MACROD2: variants seen among roughly 807,000 people sequenced by gnomAD.
The protein encoded by MACROD2 is mono-ADP ribosylhydrolase 2.
MACROD2 carries 36 observed loss-of-function variants against 70.4 expected under a neutral mutation model. The observed-to-expected ratio is 0.51, with a 90% CI of 0.39 to 0.68. The LOEUF (loss-of-function observed/expected upper bound fraction) is 0.68. Among genes scored for constraint, MACROD2 ranks in the 30% least tolerant of loss-of-function variants. The pLI, the probability that MACROD2 is intolerant of heterozygous loss-of-function variation, is 0.00. For missense variants in MACROD2, 496 were observed against 538.4 expected (o/e 0.92, Z 0.78); for synonymous variants, 172 against 178.8 (o/e 0.96, Z 0.30).
chr20:14,727,313 T>C (rs938952130), intron 5 of MACROD2, among the ~76,000 whole-genome samples: 2 of 152,260 alleles, frequency 1.3e-5, no homozygotes, highest in East Asian at 3.9e-4. Context: ...GATTGATCAC[T>C]TGAGCCCAGG....
Position 15,398,483 on chromosome 20 carries a change from G to A in MACROD2, c.541-32922G>A, listed in dbSNP as rs561413941. 3.3e-5 allele frequency among the ~76,000 whole-genome samples: 5 copies of A among 152,292 alleles called. No homozygotes were observed. The South Asian group carries it at 8.3e-4, about 25-fold the overall frequency. ...GGTGTAAGAGTACAGTTGTAGTGGT[G>A]TTAGTGGTAGTGGTGGTGAAGGAAG... On this transcript the variant is annotated intron_variant, in intron 6 of 17. Coordinates refer to ENST00000684519, the MANE Select transcript of MACROD2 (RefSeq NM_001351661.2).
intron 5 of MACROD2, among the ~76,000 whole-genome samples, chr20:15,157,376 C>T (rs1198809250): frequency 7.1e-6 from 1 of 140,384 alleles, no homozygotes; most frequent in Admixed American, 7.1e-5. Context: ...CCCCCCCCGG[C>T]CACCCAGGCT....
At chr20:14,976,791 C>T (rs532554029) in intron 5 of MACROD2, among the ~76,000 whole-genome samples, 21 of 152,184 alleles carry the variant, frequency 1.4e-4, no homozygotes, top group East Asian at 5.8e-4. Context: ...CCCATTTCCT[C>T]GTGTGTAAAA....
In MACROD2 at chr20:15,874,070, C is replaced by A. The variant is rs1193257995; in HGVS notation, c.727+11244C>A. 3.0e-5 allele frequency among the ~76,000 whole-genome samples: 4 copies of A among 131,926 alleles called. No homozygotes were observed. In the Admixed American group the frequency reaches 3.1e-4, roughly 10 times the overall value. 86.5% of individuals were successfully genotyped at this position (131,926 alleles called of 152,430 possible). ...CTAACGCTATCCCTCCCCCAGCCCC[C>A]CCACCCCCCAACAGGCCCCAGTGTG... On this transcript the variant is annotated intron_variant, in intron 9 of 17. Transcript: ENST00000684519.
chr20:14,122,284 T>C (rs1320142498), intron 3 of MACROD2, among the ~76,000 whole-genome samples: 1 of 152,214 alleles, frequency 6.6e-6, no homozygotes, highest in East Asian at 1.9e-4. Context: ...TGTTTCCTCA[T>C]CTTTTAAGTG....
intron 5 of MACROD2, among the ~76,000 whole-genome samples, chr20:14,995,133 G>C (rs2074938493): frequency 6.6e-6 from 1 of 151,858 alleles, no homozygotes; most frequent in Admixed American, 6.6e-5. Context: ...AACCAACTGT[G>C]TACACAAAAT....
At chr20:15,916,057 T>C (rs1383494480) in intron 10 of MACROD2, among the ~76,000 whole-genome samples, 1 of 152,176 alleles carries the variant, frequency 6.6e-6, no homozygotes, top group African/African-American at 2.4e-5. Context: ...AAAAATTAGT[T>C]CAACTCCTGC....
chr20:16,023,473 CAA>C (rs60347463), intron 15 of MACROD2, among the ~76,000 whole-genome samples: 8 of 71,462 alleles, frequency 1.1e-4, no homozygotes, highest in Admixed American at 1.9e-4. Context: ...GACTCCATCT[CAA>C]AAAAAAAAAA....
intron 3 of MACROD2, among the ~76,000 whole-genome samples, chr20:14,239,672 C>A (rs545496535): frequency 1.8e-4 from 28 of 152,214 alleles, no homozygotes; most frequent in Admixed American, 1.4e-3. Flanking sequence ...ACACCATATA[C>A]AAAAATCAAC....
At chr20:15,657,713 C>A (rs1017317329) in intron 8 of MACROD2, among the ~76,000 whole-genome samples, 6 of 152,186 alleles carry the variant, frequency 3.9e-5, no homozygotes, top group Admixed American at 2.6e-4. Flanking sequence ...TAGCTTCAGG[C>A]TGGGCGTGGT....
intron 3 of MACROD2, among the ~76,000 whole-genome samples, chr20:14,234,956 C>T (rs1004614705): frequency 6.6e-6 from 1 of 152,068 alleles, no homozygotes; most frequent in Non-Finnish European, 1.5e-5. Flanking sequence ...TTTTCAAAGT[C>T]AAATATGGGT....
At chr20:14,807,158 C>T (rs972778289) in intron 5 of MACROD2, among the ~76,000 whole-genome samples, 1 of 152,160 alleles carries the variant, frequency 6.6e-6, no homozygotes, top group Non-Finnish European at 1.5e-5. Flanking sequence ...AGACACCTCC[C>T]AGCAGGGGTT....
intron 8 of MACROD2, among the ~76,000 whole-genome samples, chr20:15,770,089 C>CTTTTT (rs1156897064): frequency 9.0e-5 from 4 of 44,388 alleles, no homozygotes; most frequent in Non-Finnish European, 1.6e-4. Flanking sequence ...TTTTAATTTT[C>CTTTTT]TTTTTTTTTT....
intron 8 of MACROD2, among the ~76,000 whole-genome samples, chr20:15,589,577 C>A (rs1295005145): frequency 6.6e-6 from 1 of 152,130 alleles, no homozygotes; most frequent in Non-Finnish European, 1.5e-5. Flanking sequence ...AGTCTTGGTG[C>A]TGTACATTCT....
chr20:14,031,462 A>G (rs190618964), intron 2 of MACROD2, among the ~76,000 whole-genome samples: 2 of 152,308 alleles, frequency 1.3e-5, no homozygotes, highest in Admixed American at 1.3e-4. Flanking sequence ...CTAATTAGTT[A>G]CAAGTAAAAA....
At chr20:15,323,369 A>G (rs1009845426) in intron 6 of MACROD2, among the ~76,000 whole-genome samples, 1 of 152,194 alleles carries the variant, frequency 6.6e-6, no homozygotes, top group Non-Finnish European at 1.5e-5. Context: ...TACATATAAT[A>G]TTCTTTATCT....
intron 5 of MACROD2, among the ~76,000 whole-genome samples, chr20:14,937,223 AG>A (rs1284648200): frequency 6.6e-6 from 1 of 151,874 alleles, no homozygotes; most frequent in Non-Finnish European, 1.5e-5. Flanking sequence ...CGAGATGGGA[AG>A]GTCTGGGAGT....
intron 3 of MACROD2, among the ~76,000 whole-genome samples, chr20:14,107,150 C>T (rs532183890): frequency 1.3e-5 from 2 of 152,194 alleles, no homozygotes; most frequent in African/African-American, 4.8e-5. Context: ...TTCAAGTTAA[C>T]ACAGAGAAGG....
intron 8 of MACROD2, among the ~76,000 whole-genome samples, chr20:15,858,805 C>G (rs2064387215): frequency 6.6e-6 from 1 of 152,184 alleles, no homozygotes; most frequent in Non-Finnish European, 1.5e-5. Context: ...CAGGCAGAAA[C>G]TGTATCACCT....
Sources: gnomAD v4.1 joint callset for allele counts (sites outside exome capture counted in the v4.1 genomes callset) on GRCh38, gnomAD v4.1.1 for gene constraint, MANE v1.5 for transcripts, NCBI Gene and HGNC (gene_info 2026-07-23, HGNC 2026-07-21) for gene names.